NKAIN2: variants seen among roughly 807,000 people sequenced by gnomAD.
NKAIN2 encodes sodium/potassium transporting ATPase interacting 2, also known as sodium/potassium-transporting ATPase subunit beta-1-interacting protein 2.
A neutral mutation model predicts 32.6 loss-of-function variants in NKAIN2; 14 were observed. The observed-to-expected ratio is 0.43, with a 90% CI of 0.28 to 0.67. The LOEUF (loss-of-function observed/expected upper bound fraction) is 0.67. Among genes scored for constraint, NKAIN2 ranks in the 30% least tolerant of loss-of-function variants. The pLI is 0.17. For missense variants in NKAIN2, 198 were observed against 258.3 expected (o/e 0.77, Z 1.60); for synonymous variants, 80 against 87.2 (o/e 0.92, Z 0.46).
intron 1 of NKAIN2, among the ~76,000 whole-genome samples, chr6:124,244,672 A>G (rs576301884): frequency 6.6e-6 from 1 of 152,100 alleles, no homozygotes; most frequent in African/African-American, 2.4e-5. Flanking sequence ...ACAATTTACC[A>G]TGTTGCCCCT....
chr6:124,783,487 T>G (rs778351136), intron 4 of NKAIN2, among the ~76,000 whole-genome samples: 2 of 152,178 alleles, frequency 1.3e-5, no homozygotes, highest in Non-Finnish European at 2.9e-5. Flanking sequence ...TCTGAAAAGC[T>G]TTTCTGACCC....
chr6:124,227,655 A>T (rs559023472), intron 1 of NKAIN2, among the ~76,000 whole-genome samples: 1 of 152,118 alleles, frequency 6.6e-6, no homozygotes, highest in Non-Finnish European at 1.5e-5. Context: ...GCTGCTTTTC[A>T]TTCATTAAGG....
chr6:124,029,778 T>C (rs1781323195), intron 1 of NKAIN2, among the ~76,000 whole-genome samples: 1 of 152,126 alleles, frequency 6.6e-6, no homozygotes, highest in South Asian at 2.1e-4. Context: ...AGCGAAGCTT[T>C]ATCTGTATTT....
intron 3 of NKAIN2, among the ~76,000 whole-genome samples, chr6:124,370,120 G>A (rs901933065): frequency 1.3e-5 from 2 of 150,842 alleles, no homozygotes; most frequent in Non-Finnish European, 2.9e-5. Context: ...AAATGCAATT[G>A]AACCTTTGGT....
intron 2 of NKAIN2, among the ~76,000 whole-genome samples, chr6:124,323,066 G>T (rs1797260611): frequency 6.6e-6 from 1 of 152,138 alleles, no homozygotes; most frequent in Admixed American, 6.6e-5. Context: ...TTTGCCATCT[G>T]CATATCCTCT....
intron 1 of NKAIN2, among the ~76,000 whole-genome samples, chr6:124,200,857 G>A (rs1790557447): frequency 6.6e-6 from 1 of 151,978 alleles, no homozygotes; most frequent in African/African-American, 2.4e-5. Context: ...TGTATAGTAG[G>A]GGGTAAAATG....
intron 1 of NKAIN2, among the ~76,000 whole-genome samples, chr6:124,096,514 T>C (rs909356190): frequency 5.3e-5 from 8 of 152,166 alleles, no homozygotes; most frequent in African/African-American, 1.7e-4. Context: ...ATCCTTCTTA[T>C]CGTTTTCTGA....
At chr6:124,083,406 A>G (rs547867759) in intron 1 of NKAIN2, among the ~76,000 whole-genome samples, 1 of 151,920 alleles carries the variant, frequency 6.6e-6, no homozygotes, top group South Asian at 2.1e-4. Context: ...TTTTAAACAT[A>G]AAAAAGTATC....
At chr6:124,346,945 T>G (rs1391849960) in intron 2 of NKAIN2, among the ~76,000 whole-genome samples, 1 of 152,210 alleles carries the variant, frequency 6.6e-6, no homozygotes, top group Non-Finnish European at 1.5e-5. Context: ...GTCTTTACAT[T>G]TTGGCATGAT....
chr6:124,708,636 C>T (rs1775241531), intron 4 of NKAIN2, among the ~76,000 whole-genome samples: 2 of 150,696 alleles, frequency 1.3e-5, no homozygotes, highest in South Asian at 2.1e-4. Flanking sequence ...TGATTTGGCT[C>T]TCTGTCTGTT....
intron 1 of NKAIN2, among the ~76,000 whole-genome samples, chr6:124,104,705 A>G (rs1179831252): frequency 6.6e-6 from 1 of 152,206 alleles, no homozygotes; most frequent in Non-Finnish European, 1.5e-5. Context: ...GCTCATACTA[A>G]TGATCATTCT....
intron 4 of NKAIN2, among the ~76,000 whole-genome samples, chr6:124,771,704 T>C (rs1207084349): frequency 1.3e-5 from 2 of 152,212 alleles, no homozygotes; most frequent in East Asian, 1.9e-4. Context: ...ACTTTTTCTA[T>C]AGTGAGCATG....
chr6:124,784,405 C>G (rs1779411173), intron 4 of NKAIN2, among the ~76,000 whole-genome samples: 2 of 152,114 alleles, frequency 1.3e-5, no homozygotes, highest in African/African-American at 4.8e-5. Flanking sequence ...CCCTTAGTCC[C>G]TGGAAACCAC....
chr6:124,218,956 G>A (rs1371686421), intron 1 of NKAIN2, among the ~76,000 whole-genome samples: 2 of 152,188 alleles, frequency 1.3e-5, no homozygotes, highest in African/African-American at 4.8e-5. Context: ...ATGGCAGAAG[G>A]TGAAAGAGAA....
chr6:124,488,678 C>T (rs1047701620), intron 3 of NKAIN2, among the ~76,000 whole-genome samples: 1 of 151,918 alleles, frequency 6.6e-6, no homozygotes, highest in Non-Finnish European at 1.5e-5. Context: ...AGATGATGAG[C>T]AGATGGAGAG....
In NKAIN2 at chr6:124,706,217, T is replaced by A. The variant is rs953524025; in HGVS notation, c.474+47831T>A. ...ATAATACTCAACAAATGTCTAAACA[T>A]CTTATGAGTCTTTACTTCACTTTAT... On this transcript the variant is annotated intron_variant, in intron 4 of 6. Transcript: ENST00000368417. 6.6e-5 allele frequency among the ~76,000 whole-genome samples: 10 copies of A among 152,242 alleles called. No individual in the cohort carries two copies. In the East Asian group the frequency reaches 1.9e-3, roughly 29 times the overall value.
At chr6:124,182,857 T>A (rs1789515438) in intron 1 of NKAIN2, among the ~76,000 whole-genome samples, 1 of 152,130 alleles carries the variant, frequency 6.6e-6, no homozygotes, top group African/African-American at 2.4e-5. Flanking sequence ...TAGGCAAACA[T>A]ACAGATGAGA....
At chr6:124,191,465 T>C (rs1010840560) in intron 1 of NKAIN2, among the ~76,000 whole-genome samples, 9 of 152,168 alleles carry the variant, frequency 5.9e-5, no homozygotes, top group African/African-American at 2.2e-4. Context: ...TCACATATTC[T>C]GAAACCTTAT....
At chr6:123,807,001 G>A (rs1281190801) in intron 1 of NKAIN2, among the ~76,000 whole-genome samples, 1 of 152,014 alleles carries the variant, frequency 6.6e-6, no homozygotes, top group Non-Finnish European at 1.5e-5. Flanking sequence ...GTTATTATCA[G>A]ACCAGACACG....
Sources: allele counts gnomAD v4.1 joint callset (sites outside exome capture counted in the v4.1 genomes callset), GRCh38; gene constraint gnomAD v4.1.1; transcripts MANE v1.5; gene names NCBI Gene and HGNC (gene_info 2026-07-23, HGNC 2026-07-21).